ADCY5: variants seen among roughly 807,000 people sequenced by gnomAD.
ADCY5 encodes the protein adenylate cyclase 5.
In ADCY5, 30 loss-of-function variants were observed where a neutral mutation model predicts 119.7. The observed-to-expected ratio is 0.25, with a 90% CI of 0.19 to 0.34. The LOEUF is 0.34. Among genes scored for constraint, ADCY5 ranks in the 10% least tolerant of loss-of-function variants. The pLI, the probability that ADCY5 is intolerant of heterozygous loss-of-function variation, is 1.00. For missense variants in ADCY5, 1,324 were observed against 1,775.2 expected (o/e 0.75, Z 4.57); for synonymous variants, 753 against 762.2 (o/e 0.99, Z 0.20).
At chr3:123,353,370 C>T (rs982736256) in intron 1 of ADCY5, among the ~76,000 whole-genome samples, 7 of 152,208 alleles carry the variant, frequency 4.6e-5, no homozygotes, top group African/African-American at 9.7e-5. Flanking sequence ...CAAGGTTATA[C>T]GGTACATTCA....
At chr3:123,384,188 A>T (rs1944136565) in intron 1 of ADCY5, among the ~76,000 whole-genome samples, 1 of 152,186 alleles carries the variant, frequency 6.6e-6, no homozygotes, top group Non-Finnish European at 1.5e-5. Context: ...ACTAGGCCCC[A>T]AGAAAAGACC....
chr3:123,404,648 G>A (rs186710099), intron 1 of ADCY5: 1 of 152,378 alleles, frequency 6.6e-6, no homozygotes, highest in East Asian at 1.9e-4. Context: ...GGAAAGAAGT[G>A]GGAGGCTCCA....
At chr3:123,300,049 A>G in intron 15 of ADCY5, 71 bp downstream of exon 15, 5 of 1,538,928 alleles carry the variant, frequency 3.2e-6, no homozygotes, top group Non-Finnish European at 4.4e-6. Flanking sequence ...CAGAACCCTA[A>G]ACCTCCTGCT....
In ADCY5 at chr3:123,284,252, C is replaced by CCCCT. The variant is rs149370931; in HGVS notation, c.*352_*355dup. 0.01 allele frequency: 2,178 copies of CCCCT among 210,474 alleles called. 49 individuals carry two copies. Among genetic ancestry groups the CCCCT allele is most frequent in the African/African-American group, 0.045 (1,979 of 43,552 alleles). The allele number at this position is 210,474 out of a possible 1,614,324, so 13.0% of individuals were successfully genotyped here. A position where few individuals can be genotyped will look rare whatever the true frequency, so the allele number is the denominator to read the frequency against. On this transcript the variant is annotated 3_prime_UTR_variant, in exon 21 of 21. Coordinates refer to ENST00000462833, the MANE Select transcript of ADCY5 (RefSeq NM_183357.3). ...CGTCTACCCCCAGCTGAGTCGGAGG[C>CCCCT]CCCTCAGCCCTGCCCTTGTCTGGGC...
intron 1 of ADCY5, among the ~76,000 whole-genome samples, chr3:123,385,536 G>GGTGT (rs1944193270): frequency 6.6e-6 from 1 of 152,140 alleles, no homozygotes; most frequent in South Asian, 2.1e-4. Context: ...GTGAGACAGG[G>GGTGT]GTGTGTACAG....
chr3:123,334,292 G>A (rs1334383524), intron 3 of ADCY5, among the ~76,000 whole-genome samples: 1 of 152,194 alleles, frequency 6.6e-6, no homozygotes, highest in African/African-American at 2.4e-5. Context: ...GCCAGAGACA[G>A]CGGCGTGGCA....
At chr3:123,314,733 C>G (rs1459728507) in intron 11 of ADCY5, among the ~76,000 whole-genome samples, 1 of 152,214 alleles carries the variant, frequency 6.6e-6, no homozygotes, top group Admixed American at 6.5e-5. Context: ...AGTCGTCACT[C>G]ACAGCTCCAT....
intron 1 of ADCY5, among the ~76,000 whole-genome samples, chr3:123,400,579 T>A (rs1033154681): frequency 2.0e-5 from 3 of 152,206 alleles, no homozygotes; most frequent in African/African-American, 7.2e-5. Flanking sequence ...AATGAAATAT[T>A]ATGCAGTTAT....
Position 123,314,264 on chromosome 3 carries a change from A to C in ADCY5, c.2413T>G (p.Phe805Val), listed in dbSNP as rs763645391. ...TCSLLLTLVV[F>V]VSVIYSCVKL... ...ACGCAGGAGTAGATCACAGACACAA[A>C]CACCACCAAGGTCAGCAGCAGGGAA... The change falls in exon 12 of 21, where the codon TTT (phenylalanine) becomes GTT (valine). Residue 805 changes from phenylalanine (F) to valine (V), a missense_variant. Phe to Val is a conservative substitution (Grantham distance 50). Transcript: ENST00000462833. 1.2e-6 allele frequency: 2 copies of C among 1,613,750 alleles called. No individual in the cohort carries two copies. The highest frequency in any genetic ancestry group is 1.7e-6 in the Non-Finnish European group (2 of 1,179,738).
chr3:123,389,824 C>A (rs899029632), intron 1 of ADCY5, among the ~76,000 whole-genome samples: 3 of 152,156 alleles, frequency 2.0e-5, no homozygotes, highest in Non-Finnish European at 4.4e-5. Context: ...ACTAATTTAA[C>A]GGACAGTGCA....
chr3:123,435,426 A>T (rs1200062816), intron 1 of ADCY5, among the ~76,000 whole-genome samples: 1 of 152,200 alleles, frequency 6.6e-6, no homozygotes, highest in Non-Finnish European at 1.5e-5. Context: ...GCCTCCACAC[A>T]CAAGGTCCCT....
intron 14 of ADCY5, among the ~76,000 whole-genome samples, chr3:123,301,244 C>T (rs932329201): frequency 3.9e-5 from 6 of 152,182 alleles, no homozygotes; most frequent in Admixed American, 6.5e-5. Context: ...GTTTACTCTT[C>T]GCACACGGCT....
At chr3:123,390,154 A>G (rs1434659552) in intron 1 of ADCY5, among the ~76,000 whole-genome samples, 1 of 152,156 alleles carries the variant, frequency 6.6e-6, no homozygotes, top group East Asian at 1.9e-4. Context: ...CAGCTAGAGG[A>G]GAGAGGCCGT....
chr3:123,327,588 C>A (rs772214125), intron 7 of ADCY5, 30 bp downstream of exon 7: 1 of 1,604,120 alleles, frequency 6.2e-7, no homozygotes, highest in East Asian at 2.2e-5. Context: ...GAAGGGAGCC[C>A]CTCAGCCCCC....
chr3:123,435,194 A>C (rs554830238), intron 1 of ADCY5, among the ~76,000 whole-genome samples: 61 of 152,314 alleles, frequency 4.0e-4, no homozygotes, highest in African/African-American at 1.4e-3. Context: ...CTGAGATGGA[A>C]GAATCATCTG....
At chr3:123,322,663 A>G (rs549845167) in intron 8 of ADCY5, among the ~76,000 whole-genome samples, 2 of 151,990 alleles carry the variant, frequency 1.3e-5, no homozygotes, top group Non-Finnish European at 2.9e-5. Context: ...CCTGGGCCCC[A>G]CCCTACCGGC....
chr3:123,411,262 G>A (rs150871666), intron 1 of ADCY5, among the ~76,000 whole-genome samples: 1 of 152,294 alleles, frequency 6.6e-6, no homozygotes, highest in African/African-American at 2.4e-5. Context: ...CACCATTGGG[G>A]TCCACTCAGA....
chr3:123,343,301 G>A (rs1490153253), intron 3 of ADCY5, among the ~76,000 whole-genome samples: 1 of 152,190 alleles, frequency 6.6e-6, no homozygotes, highest in Non-Finnish European at 1.5e-5. Flanking sequence ...GGTCCCCACT[G>A]ATGAGGCAGA....
chr3:123,388,245 T>G (rs914419123), intron 1 of ADCY5, among the ~76,000 whole-genome samples: 3 of 152,122 alleles, frequency 2.0e-5, no homozygotes, highest in African/African-American at 7.2e-5. Flanking sequence ...CAGGGCAGGT[T>G]GGGAGGGGCC....
Sources: gnomAD v4.1 joint callset for allele counts (sites outside exome capture counted in the v4.1 genomes callset) on GRCh38, gnomAD v4.1.1 for gene constraint, MANE v1.5 for transcripts, NCBI Gene and HGNC (gene_info 2026-07-23, HGNC 2026-07-21) for gene names.